MAGI2: variants seen among roughly 807,000 people sequenced by gnomAD.
The protein encoded by MAGI2 is membrane-associated guanylate kinase, WW and PDZ domain-containing protein 2.
Under a neutral mutation model 133.3 loss-of-function variants are expected in MAGI2, and 35 were observed. That is an observed-to-expected ratio of 0.26 (90% CI 0.20 to 0.35). The LOEUF is 0.35. MAGI2 is among the 10% of genes least tolerant of loss of function. The pLI, the probability that MAGI2 is intolerant of heterozygous loss-of-function variation, is 1.00. For missense variants in MAGI2, 1,636 were observed against 1,863.4 expected (o/e 0.88, Z 2.25); for synonymous variants, 729 against 710.6 (o/e 1.03, Z -0.41).
rs765847218 is a variant in MAGI2 at position 78,160,243 on chromosome 7, G to T, written c.2627C>A (p.Pro876Gln). ...GEPCPENGRS[P>Q]GSVSTHHSSP... ...GCTGTGGTGGGTGGATACAGAGCCT[G>T]GACTTCTCCCGTTCTCTGGGCAGGG... The change falls in exon 16 of 22, where the codon CCA becomes CAA. Residue 876 changes from proline (P) to glutamine (Q), a missense_variant. By Grantham distance (76) the Pro-to-Gln change is moderately conservative (BLOSUM62 -1). Transcript: ENST00000354212. 2 of 1,603,260 alleles carry T rather than the reference G, an allele frequency of 1.2e-6. No individual in the cohort carries two copies. Among genetic ancestry groups the T allele is most frequent in the South Asian group, 2.3e-5 (2 of 88,520 alleles).
chr7:79,277,097 T>G (rs1835284495), intron 1 of MAGI2, among the ~76,000 whole-genome samples: 2 of 152,306 alleles, frequency 1.3e-5, no homozygotes, highest in South Asian at 4.1e-4. Flanking sequence ...CATGACTTGC[T>G]ACAGAGAAAT....
At chr7:79,046,845 A>G (rs2116954166) in intron 1 of MAGI2, among the ~76,000 whole-genome samples, 1 of 152,354 alleles carries the variant, frequency 6.6e-6, no homozygotes, top group Non-Finnish European at 1.5e-5. Flanking sequence ...TACTCTGAAG[A>G]AGAAATGTGT....
intron 1 of MAGI2, among the ~76,000 whole-genome samples, chr7:79,184,500 T>C (rs951211784): frequency 1.3e-5 from 2 of 151,422 alleles, no homozygotes; most frequent in South Asian, 4.2e-4. Flanking sequence ...AAAAACAAAC[T>C]AAAATATTGG....
intron 14 of MAGI2, among the ~76,000 whole-genome samples, chr7:78,177,762 A>G (rs1158026477): frequency 2.6e-5 from 4 of 152,202 alleles, no homozygotes; most frequent in Non-Finnish European, 5.9e-5. Flanking sequence ...AGAGGAATTC[A>G]ATCGATTCTA....
At chr7:79,096,739 A>G (rs1359145838) in intron 1 of MAGI2, among the ~76,000 whole-genome samples, 1 of 152,174 alleles carries the variant, frequency 6.6e-6, no homozygotes, top group Non-Finnish European at 1.5e-5. Context: ...AAAACCCTAA[A>G]TAAACACAGC....
intron 1 of MAGI2, among the ~76,000 whole-genome samples, chr7:79,128,357 TACAA>T (rs1820618677): frequency 1.3e-5 from 2 of 152,200 alleles, no homozygotes; most frequent in African/African-American, 4.8e-5. Context: ...ATAATAACAT[TACAA>T]ACAAAGTAGT....
intron 7 of MAGI2, among the ~76,000 whole-genome samples, chr7:78,364,018 C>T (rs1793118457): frequency 1.3e-5 from 2 of 152,056 alleles, no homozygotes; most frequent in African/African-American, 4.8e-5. Flanking sequence ...TCTTTCTCGT[C>T]TTTTCCTCCT....
chr7:78,266,680 C>T (rs1295966278), intron 9 of MAGI2, among the ~76,000 whole-genome samples: 1 of 151,660 alleles, frequency 6.6e-6, no homozygotes, highest in Admixed American at 6.6e-5. Flanking sequence ...CGGGTTCAAG[C>T]AATTCTCCTG....
At chr7:78,129,038 C>T (rs1821279104) in intron 18 of MAGI2, among the ~76,000 whole-genome samples, 1 of 152,224 alleles carries the variant, frequency 6.6e-6, no homozygotes, top group South Asian at 2.1e-4. Context: ...TTGGATGTCA[C>T]ACTGTTTTAA....
chr7:79,425,876 G>A (rs945370862), intron 1 of MAGI2, among the ~76,000 whole-genome samples: 5 of 152,006 alleles, frequency 3.3e-5, no homozygotes, highest in African/African-American at 1.2e-4. Flanking sequence ...GAAGCATTGT[G>A]CAGATTGTTT....
intron 16 of MAGI2, among the ~76,000 whole-genome samples, chr7:78,159,020 A>G (rs1260708664): frequency 1.3e-5 from 2 of 152,002 alleles, no homozygotes; most frequent in African/African-American, 2.4e-5. Context: ...TCGACCCCCT[A>G]TGATTCCATC....
intron 15 of MAGI2, among the ~76,000 whole-genome samples, chr7:78,161,887 A>G (rs1342674153): frequency 3.3e-5 from 5 of 152,152 alleles, no homozygotes; most frequent in Non-Finnish European, 7.4e-5. Flanking sequence ...TTTGTAAGAA[A>G]TGTACCGAGG....
At chr7:78,152,469 G>A (rs1823978346) in intron 16 of MAGI2, among the ~76,000 whole-genome samples, 2 of 152,194 alleles carry the variant, frequency 1.3e-5, no homozygotes, top group Admixed American at 1.3e-4. Flanking sequence ...TGGATTGTAT[G>A]TAGAAAGTGT....
intron 2 of MAGI2, among the ~76,000 whole-genome samples, chr7:78,823,909 TCACACA>T (rs151269215): frequency 0.025 from 3,765 of 148,140 alleles, 147 homozygotes; most frequent in African/African-American, 0.087. Flanking sequence ...GGATTTCACA[TCACACA>T]CACACACACA....
intron 6 of MAGI2, among the ~76,000 whole-genome samples, chr7:78,388,564 G>A (rs1373873482): frequency 6.6e-6 from 1 of 152,110 alleles, no homozygotes; most frequent in Admixed American, 6.5e-5. Context: ...CTTCCTGTGG[G>A]AACTTGGCTT....
intron 10 of MAGI2, among the ~76,000 whole-genome samples, chr7:78,229,664 T>C (rs894295416): frequency 2.6e-5 from 4 of 152,144 alleles, no homozygotes; most frequent in African/African-American, 7.2e-5. Context: ...TTTTGGCCTT[T>C]TACAGTAATA....
chr7:78,196,447 T>G (rs910889452), intron 11 of MAGI2, among the ~76,000 whole-genome samples: 5 of 152,166 alleles, frequency 3.3e-5, no homozygotes, highest in African/African-American at 1.2e-4. Flanking sequence ...AAAAAACAGT[T>G]TTGATATACA....
intron 9 of MAGI2, among the ~76,000 whole-genome samples, chr7:78,280,853 C>CCA (rs529053863): frequency 9.3e-6 from 1 of 108,070 alleles, no homozygotes; most frequent in Admixed American, 1.1e-4. Flanking sequence ...GATGGGTATA[C>CCA]AAAAAAAAAA....
At chr7:79,209,062 T>C (rs900121861) in intron 1 of MAGI2, among the ~76,000 whole-genome samples, 1 of 151,938 alleles carries the variant, frequency 6.6e-6, no homozygotes, top group Non-Finnish European at 1.5e-5. Context: ...GGTCCATAGA[T>C]ACAAAATTTC....
Sources: allele counts gnomAD v4.1 joint callset (sites outside exome capture counted in the v4.1 genomes callset), GRCh38; gene constraint gnomAD v4.1.1; transcripts MANE v1.5; gene names NCBI Gene and HGNC (gene_info 2026-07-23, HGNC 2026-07-21).